The following L3MBTL4 variants were observed in gnomAD, a reference collection of about 807,000 sequenced individuals.
L3MBTL4 encodes lethal(3)malignant brain tumor-like protein 4.
In L3MBTL4, 70 loss-of-function variants were observed where a neutral mutation model predicts 84.5. The ratio of observed to expected loss-of-function variants is 0.83; its 90% confidence interval spans 0.68 to 1.01. The LOEUF (loss-of-function observed/expected upper bound fraction) is 1.01. Among genes scored for constraint, L3MBTL4 ranks in the 50% least tolerant of loss-of-function variants. The probability of loss-of-function intolerance (pLI) is 0.00; values close to 1 mark genes in which losing one functional copy is unlikely to be tolerated. For synonymous variants in L3MBTL4, 274 were observed against 259.8 expected, an observed-to-expected ratio of 1.05 and a Z score of -0.52; for missense variants, 715 against 754.8, an observed-to-expected ratio of 0.95 and a Z score of 0.62.
intron 14 of L3MBTL4, among the ~76,000 whole-genome samples, chr18:6,104,431 G>C (rs2143934457): frequency 6.6e-6 from 1 of 152,314 alleles, no homozygotes. Context: ...TGACAACATA[G>C]TTGAACCATG....
chr18:5,974,597 T>A (rs912460219), intron 16 of L3MBTL4, among the ~76,000 whole-genome samples: 2 of 152,182 alleles, frequency 1.3e-5, no homozygotes, highest in African/African-American at 4.8e-5. Context: ...TAGGGCTGCC[T>A]TTCCAGTGAA....
intron 14 of L3MBTL4, among the ~76,000 whole-genome samples, chr18:6,130,825 T>C (rs1259140138): frequency 1.3e-5 from 2 of 152,320 alleles, no homozygotes; most frequent in East Asian, 3.9e-4. Context: ...TGTAAATTCA[T>C]GCAAATAAAA....
intron 12 of L3MBTL4, among the ~76,000 whole-genome samples, chr18:6,181,062 C>T (rs978738975): frequency 8.3e-5 from 12 of 144,142 alleles, no homozygotes; most frequent in African/African-American, 2.9e-4. Context: ...TTCATAGGGA[C>T]CAAAAGTAGA....
At chr18:6,147,453 A>C (rs2042703453) in intron 13 of L3MBTL4, among the ~76,000 whole-genome samples, 1 of 152,174 alleles carries the variant, frequency 6.6e-6, no homozygotes, top group Admixed American at 6.5e-5. Context: ...ATAATACATA[A>C]ATAAAATAGA....
Position 5,983,103 on chromosome 18 carries a change from G to A in L3MBTL4, c.1445-13541C>T, listed in dbSNP as rs1403661972. Among the ~76,000 whole-genome samples the A allele has an allele frequency of 5.3e-5, 8 of 152,258 alleles. No individual in the cohort carries two copies. The South Asian group carries it at 8.3e-4, about 16-fold the overall frequency. ...GGGAGGCTCAAGTTGCTCACGTCAC[G>A]AGGAAACACAGTCTTGTAAATTAAG... is the stretch of plus-strand genomic sequence containing the variant. On this transcript the variant is annotated intron_variant, in intron 16 of 18. Transcript: ENST00000317931.
At chr18:6,347,100 T>G (rs1051263208) in intron 1 of L3MBTL4, among the ~76,000 whole-genome samples, 4 of 152,060 alleles carry the variant, frequency 2.6e-5, no homozygotes, top group Non-Finnish European at 4.4e-5. Flanking sequence ...TATGATCTCT[T>G]TATATGTGAG....
chr18:6,093,828 A>G (rs570419709), intron 14 of L3MBTL4, among the ~76,000 whole-genome samples: 46 of 152,386 alleles, frequency 3.0e-4, no homozygotes, highest in South Asian at 8.3e-4. Context: ...CAATGGAACA[A>G]TGCAAATGTC....
chr18:6,266,881 C>T lies in L3MBTL4; in HGVS notation c.128-2843G>A, dbSNP rs984448848. Among the ~76,000 whole-genome samples the T allele has an allele frequency of 3.9e-5, 6 of 152,040 alleles. No individual in the cohort carries two copies. In the East Asian group the frequency reaches 1.2e-3, roughly 29 times the overall value. The stretch of plus-strand genomic sequence containing the variant: ...GAGGTTGCAGTGAGTGAAGATCGTG[C>T]CATTGCACTCCAGCCTGGGCGACAG... On this transcript the variant is annotated intron_variant, in intron 4 of 18. Transcript: ENST00000317931.
At chr18:6,053,031 C>T (rs1005193140) in intron 16 of L3MBTL4, among the ~76,000 whole-genome samples, 2 of 152,208 alleles carry the variant, frequency 1.3e-5, no homozygotes, top group Non-Finnish European at 1.5e-5. Flanking sequence ...AATAAACAAA[C>T]GTTGATTATC....
intron 1 of L3MBTL4, among the ~76,000 whole-genome samples, chr18:6,363,108 G>A (rs761518266): frequency 1.3e-5 from 2 of 152,164 alleles, no homozygotes; most frequent in Non-Finnish European, 2.9e-5. Context: ...GCTAGACACA[G>A]ACATTCTTCT....
intron 12 of L3MBTL4, among the ~76,000 whole-genome samples, chr18:6,205,361 T>A (rs1194659435): frequency 6.6e-6 from 1 of 152,256 alleles, no homozygotes; most frequent in African/African-American, 2.4e-5. Context: ...TTTAGACCAG[T>A]GACACTTCTG....
chr18:6,390,341 GTAAAGTTTA>G (rs2054993301), intron 1 of L3MBTL4, among the ~76,000 whole-genome samples: 1 of 152,090 alleles, frequency 6.6e-6, no homozygotes, highest in Non-Finnish European at 1.5e-5. Flanking sequence ...AATGCTAAGG[GTAAAGTTTA>G]CAATGCTAAT....
chr18:6,219,790 G>C (rs1256708881), intron 10 of L3MBTL4, among the ~76,000 whole-genome samples: 1 of 152,056 alleles, frequency 6.6e-6, no homozygotes, highest in Non-Finnish European at 1.5e-5. Flanking sequence ...AAACAGCTGA[G>C]AACTGTTTTA....
At chr18:6,047,562 T>G (rs2056675677) in intron 16 of L3MBTL4, among the ~76,000 whole-genome samples, 1 of 152,216 alleles carries the variant, frequency 6.6e-6, no homozygotes, top group African/African-American at 2.4e-5. Flanking sequence ...CAGAATCAAG[T>G]AGGCTTCATT....
intron 12 of L3MBTL4, among the ~76,000 whole-genome samples, chr18:6,192,797 G>A (rs1225799171): frequency 6.6e-6 from 1 of 152,162 alleles, no homozygotes; most frequent in Non-Finnish European, 1.5e-5. Flanking sequence ...TACAGAGCAG[G>A]CAGAGAGCAA....
chr18:6,190,420 A>G (rs1312015579), intron 12 of L3MBTL4, among the ~76,000 whole-genome samples: 1 of 152,192 alleles, frequency 6.6e-6, no homozygotes, highest in Non-Finnish European at 1.5e-5. Flanking sequence ...GTATGTAACT[A>G]TACGTAAATT....
At chr18:6,303,776 G>C (rs1248888122) in intron 3 of L3MBTL4, among the ~76,000 whole-genome samples, 5 of 152,058 alleles carry the variant, frequency 3.3e-5, no homozygotes, top group Non-Finnish European at 5.9e-5. Context: ...CATTTGGAAG[G>C]CTGACGCGGG....
intron 14 of L3MBTL4, among the ~76,000 whole-genome samples, chr18:6,136,657 T>TAACC (rs765406044): frequency 1.0e-3 from 152 of 152,270 alleles, no homozygotes; most frequent in Non-Finnish European, 1.6e-3. Context: ...GTGTACCAAG[T>TAACC]AACCAATGGG....
chr18:6,243,193 CCACACCAGGATCTCTTCTT>C, intron 7 of L3MBTL4, 82 bp downstream of exon 7: 1 of 1,076,382 alleles, frequency 9.3e-7, no homozygotes, highest in Non-Finnish European at 1.3e-6. Flanking sequence ...GGAAATCAAT[CCACACCAGGATCTCTTCTT>C]CGAATTTCAT....
Sources: allele counts gnomAD v4.1 joint callset (sites outside exome capture counted in the v4.1 genomes callset), GRCh38; gene constraint gnomAD v4.1.1; transcripts MANE v1.5; gene names NCBI Gene and HGNC (gene_info 2026-07-23, HGNC 2026-07-21).